C5: variants seen among roughly 807,000 people sequenced by gnomAD.
C5 encodes the protein C3 and PZP-like alpha-2-macroglobulin domain-containing protein 4.
A neutral mutation model predicts 218.8 loss-of-function variants in C5; 140 were observed. That is an observed-to-expected ratio of 0.64 (90% CI 0.56 to 0.74). The LOEUF is 0.74. Among genes scored for constraint, C5 ranks in the 30% least tolerant of loss-of-function variants. The pLI, the probability that C5 is intolerant of heterozygous loss-of-function variation, is 0.00. For synonymous variants in C5, 614 were observed against 682.3 expected, an observed-to-expected ratio of 0.90 and a Z score of 1.56; for missense variants, 1,700 against 1,969.6, an observed-to-expected ratio of 0.86 and a Z score of 2.59.
At chr9:121,000,626 G>A (rs549845224) in intron 20 of C5, among the ~76,000 whole-genome samples, 7 of 152,116 alleles carry the variant, frequency 4.6e-5, no homozygotes, top group Non-Finnish European at 7.4e-5. Flanking sequence ...AAATCTAAAT[G>A]CTCACAAAAA....
At chr9:121,020,681 A>T (rs1469799750) in intron 11 of C5, among the ~76,000 whole-genome samples, 1 of 152,196 alleles carries the variant, frequency 6.6e-6, no homozygotes, top group Non-Finnish European at 1.5e-5. Flanking sequence ...AGAAGAAATG[A>T]TATCATGGCA....
At chr9:121,006,755 C>T (rs2047218899) in intron 19 of C5, 149 bp downstream of exon 19, 4 of 640,670 alleles carry the variant, frequency 6.2e-6, no homozygotes, top group Non-Finnish European at 8.3e-6. Context: ...TGGGTATATC[C>T]AAGTCTTTTG....
chr9:121,020,316 C>T (rs1444744904), intron 11 of C5, 137 bp from the exon 12 acceptor site: 2 of 717,770 alleles, frequency 2.8e-6, no homozygotes, highest in South Asian at 3.3e-5. Context: ...AAAAACCCTC[C>T]ATTACTTCAG....
At chr9:121,073,210 A>G in the C5 span, among the ~76,000 whole-genome samples, 1 of 152,158 alleles carries the variant, frequency 6.6e-6, no homozygotes, top group Non-Finnish European at 1.5e-5. Flanking sequence ...GAACTACTTC[A>G]TGTTTCCATA....
At chr9:120,987,636 C>CA (rs36095132) in intron 25 of C5, among the ~76,000 whole-genome samples, 52,001 of 110,756 alleles carry the variant, frequency 0.47, 13,120 homozygotes, top group South Asian at 0.72. Flanking sequence ...GACTCCGTCT[C>CA]AAAAAAAAAA....
chr9:121,048,726 A>G (rs2047649000), intron 1 of C5, among the ~76,000 whole-genome samples: 1 of 143,440 alleles, frequency 7.0e-6, no homozygotes, highest in Admixed American at 7.3e-5. Context: ...AAATAATTTC[A>G]TAGTTTTCTT....
rs139942435 is a variant in C5, at chr9:121,047,766, G to C, written c.66-1383C>G. ...CCACTTACAGGCAAATTACAAAAGA[G>C]AGGAAAGAATTTCCAGATTTCCAAC... On this transcript the variant is annotated intron_variant, in intron 1 of 40. Coordinates refer to ENST00000223642, the MANE Select transcript of C5 (RefSeq NM_001735.3). Among the ~76,000 whole-genome samples, 897 of 152,298 alleles carry C rather than the reference G, an allele frequency of 5.9e-3. 10 individuals are homozygous for C. The highest frequency in any genetic ancestry group is 0.02 in the African/African-American group (818 of 41,540).
intron 20 of C5, chr9:120,999,755 A>C: frequency 3.4e-6 from 1 of 291,336 alleles, no homozygotes; most frequent in South Asian, 2.8e-5. Context: ...TGTAACCCAC[A>C]CTCAGGAGGA....
chr9:120,975,369 T>C (rs2046945632), intron 29 of C5, among the ~76,000 whole-genome samples: 1 of 152,194 alleles, frequency 6.6e-6, no homozygotes, highest in African/African-American at 2.4e-5. Context: ...AATGCTTTTA[T>C]TTATAGTTTA....
At position 121,034,856 on chromosome 9, in the gene C5, A is replaced by G; in HGVS notation, c.531T>C (p.Ile177=). 6.3e-7 allele frequency: 1 copy of G among 1,597,498 alleles called. No homozygotes were observed. The highest frequency in any genetic ancestry group is 1.1e-5 in the South Asian group (1 of 90,630). Residue 177 remains isoleucine (I), a synonymous_variant, in exon 5 of 41, where the codon ATT becomes ATC. Coordinates refer to ENST00000223642, the MANE Select transcript of C5 (RefSeq NM_001735.3). ...GAAAAGAGATAATTCCAATATGATCAATTTCTTCTACCATGTCAACTTCTG... is the reference window on the plus strand; with the variant it reads ...GAAAAGAGATAATTCCAATATGATCGATTTCTTCTACCATGTCAACTTCTG... The part of the protein sequence containing the change: ...EGSEVDMVEE[I]DHIGIISFPD...
At chr9:121,052,157 T>G (rs2047675124), upstream of C5, among the ~76,000 whole-genome samples, 2 of 152,142 alleles carry the variant, frequency 1.3e-5, no homozygotes, top group Admixed American at 1.3e-4. Context: ...TAAATGTGGC[T>G]CACAGATGAA....
At chr9:120,980,758 A>AT (rs41311923) in intron 27 of C5, among the ~76,000 whole-genome samples, 1,630 of 145,056 alleles carry the variant, frequency 0.011, 14 homozygotes, top group African/African-American at 0.018. Flanking sequence ...CGCCCGGCTA[A>AT]TTTTTTTTTT....
intron 24 of C5, among the ~76,000 whole-genome samples, 168 bp from the exon 25 acceptor site, chr9:120,989,289 T>C (rs555098428): frequency 1.3e-5 from 2 of 152,324 alleles, no homozygotes; most frequent in East Asian, 3.9e-4. Flanking sequence ...ATTGCTCGAA[T>C]TGGGAATTAT....
Position 121,002,316 on chromosome 9 carries a change from G to GTGTGTGTGTGTATA in C5, c.2562+3602_2562+3603insTATACACACACACA, listed in dbSNP as rs572345213. On this transcript the variant is annotated intron_variant, in intron 20 of 40. Transcript: ENST00000223642. ...TATATATGTATATATATATGTGTGT[G>GTGTGTGTGTGTATA]TATATATATATATATATATATATAT... is the stretch of plus-strand genomic sequence containing the variant. Among the ~76,000 whole-genome samples the GTGTGTGTGTGTATA allele has an allele frequency of 2.0e-3, 178 of 87,258 alleles. 10 individuals carry two copies. The highest frequency in any genetic ancestry group is 4.2e-3 in the South Asian group (10 of 2,370). 57.2% of individuals were successfully genotyped at this position (87,258 alleles called of 152,430 possible).
At chr9:121,046,433 TCTTTTA>T (rs2047628566) in intron 1 of C5, 50 bp from the exon 2 acceptor site, 1 of 1,339,136 alleles carries the variant, frequency 7.5e-7, no homozygotes, top group African/African-American at 1.4e-5. Flanking sequence ...TGACATATTT[TCTTTTA>T]CTTTTGATTT....
At chr9:121,066,486 T>A in the C5 span, among the ~76,000 whole-genome samples, 9 of 151,746 alleles carry the variant, frequency 5.9e-5, no homozygotes, top group African/African-American at 2.2e-4. Flanking sequence ...AGAGAAATAT[T>A]TAATGTGGAG....
intron 21 of C5, 25 bp from the exon 22 acceptor site, chr9:120,996,325 A>G: frequency 6.3e-7 from 1 of 1,591,958 alleles, no homozygotes; most frequent in Non-Finnish European, 8.6e-7. Context: ...GAAAACATTC[A>G]GTTAAAAACA....
At chr9:121,063,037 C>T in the C5 span, among the ~76,000 whole-genome samples, 1 of 151,544 alleles carries the variant, frequency 6.6e-6, no homozygotes, top group Non-Finnish European at 1.5e-5. Context: ...AAATTTTGAC[C>T]ATTAGTTCTT....
intron 31 of C5, 57 bp downstream of exon 31, chr9:120,971,872 AT>A: frequency 7.5e-7 from 1 of 1,338,884 alleles, no homozygotes; most frequent in African/African-American, 1.4e-5. Context: ...CCTAACTTTT[AT>A]GTTACCTAGT....
Sources: gnomAD v4.1 joint callset for allele counts (sites outside exome capture counted in the v4.1 genomes callset) on GRCh38, gnomAD v4.1.1 for gene constraint, MANE v1.5 for transcripts, NCBI Gene and HGNC (gene_info 2026-07-23, HGNC 2026-07-21) for gene names.